The following SLC5A5 variants were observed in gnomAD, a reference collection of about 807,000 sequenced individuals.
SLC5A5 encodes sodium/iodide cotransporter.
Under a neutral mutation model 68.6 loss-of-function variants are expected in SLC5A5, and 56 were observed. The ratio of observed to expected loss-of-function variants is 0.82; its 90% confidence interval spans 0.66 to 1.02. The LOEUF (loss-of-function observed/expected upper bound fraction) is 1.02. SLC5A5 is among the 50% of genes least tolerant of loss of function. SLC5A5 has a pLI of 0.00. For missense variants in SLC5A5, 807 were observed against 859.8 expected (o/e 0.94, Z 0.77); for synonymous variants, 398 against 373.0 (o/e 1.07, Z -0.77).
chr19:17,888,619 TCA>T (rs1491090215), intron 13 of SLC5A5, among the ~76,000 whole-genome samples, 164 bp downstream of exon 13: 1,723 of 85,988 alleles, frequency 0.02, 30 homozygotes, highest in African/African-American at 0.11. Context: ...ATTATTATTA[TCA>T]TCATCATCAT....
chr19:17,883,836 G>T lies in SLC5A5; in HGVS notation c.1330-14G>T, dbSNP rs1257530198. On this transcript the variant is annotated splice_polypyrimidine_tract_variant and intron_variant, in intron 11 of 14. Coordinates refer to ENST00000222248, the MANE Select transcript of SLC5A5 (RefSeq NM_000453.3). The stretch of plus-strand genomic sequence containing the variant: ...CAGGCCCCTCCCCTTCCCTGACGCC[G>T]GCTCTGCCCCCAGGGCGTCCTCGCG... 15 of 1,603,208 alleles carry T rather than the reference G, an allele frequency of 9.4e-6. No homozygotes were observed. The highest frequency in any genetic ancestry group is 1.9e-4 in the Middle Eastern group (1 of 5,132).
intron 2 of SLC5A5, 40 bp downstream of exon 2, chr19:17,874,243 G>T: frequency 6.9e-7 from 1 of 1,455,210 alleles, no homozygotes; most frequent in South Asian, 1.1e-5. Flanking sequence ...AGGGCCCCGA[G>T]AGCGTCAGCC....
At chr19:17,873,756 C>T (rs761025301) in intron 1 of SLC5A5, among the ~76,000 whole-genome samples, 5 of 152,196 alleles carry the variant, frequency 3.3e-5, no homozygotes, top group Non-Finnish European at 7.4e-5. Context: ...ACTCCGTCCC[C>T]CCTCCCCCCC....
chr19:17,883,893 G>A lies in SLC5A5; in HGVS notation c.1373G>A (p.Trp458Ter). 6.4e-7 allele frequency: 1 copy of A among 1,573,374 alleles called. No individual in the cohort carries two copies. Among genetic ancestry groups the A allele is most frequent in the Non-Finnish European group, 8.6e-7 (1 of 1,161,018 alleles). The change falls in exon 12 of 15, where the codon TGG (tryptophan) becomes TAG (stop). Residue 458 changes from tryptophan to a stop codon, truncating the protein, a stop_gained. Transcript: ENST00000222248. LOFTEE classifies it high-confidence loss of function. ...GLGAGLALSL[W>*]VALGATLYPP... ...GGCGCGGGCTTGGCGCTGTCGCTGT[G>A]GGTGGCCTTGGGCGCCACGCTGTAC...
Position 17,894,794 on chromosome 19 carries a change from C to A in SLC5A5, c.*917C>A. On this transcript the variant is annotated 3_prime_UTR_variant, in exon 15 of 15. Transcript: ENST00000222248. ...GCTCTCGAATTGGGTTGTGTCCCCCCAAAATTTATGTCTACCCAGAACCTC... is the reference window on the plus strand; with the variant it reads ...GCTCTCGAATTGGGTTGTGTCCCCCAAAAATTTATGTCTACCCAGAACCTC... 6.6e-6 allele frequency: 1 copy of A among 152,130 alleles called. No homozygotes were observed. Among genetic ancestry groups the A allele is most frequent in the East Asian group, 1.9e-4 (1 of 5,196 alleles). 9.4% of individuals were successfully genotyped at this position (152,130 alleles called of 1,614,324 possible).
chr19:17,881,913 G>T, intron 8 of SLC5A5, 47 bp from the exon 9 acceptor site: 2 of 1,435,694 alleles, frequency 1.4e-6, no homozygotes, highest in East Asian at 2.3e-5. Flanking sequence ...TGGTGTGGAC[G>T]GTCTCTCCAT....
rs1418325735 is a variant in SLC5A5, at chr19:17,883,773, TG to T, written c.1329+11del. ...TGCCGGCCTGCAACACACCGGTGAGTGGGGGCGGGGCAAGGGGCGGGGAGGG... is the reference window on the plus strand; with the variant it reads ...TGCCGGCCTGCAACACACCGGTGAGTGGGGCGGGGCAAGGGGCGGGGAGGG... On this transcript the variant is annotated splice_region_variant and intron_variant, in intron 11 of 14. Transcript: ENST00000222248. The T allele has an allele frequency of 8.1e-6, 3 of 370,246 alleles. No individual in the cohort carries two copies. Among genetic ancestry groups the T allele is most frequent in the African/African-American group, 3.9e-5 (1 of 25,568 alleles). 22.9% of individuals were successfully genotyped at this position (370,246 alleles called of 1,614,324 possible). A position where few individuals can be genotyped will look rare whatever the true frequency, so the allele number is the denominator to read the frequency against.
Position 17,890,996 on chromosome 19 carries a change from G to A in SLC5A5, c.1762G>A (p.Val588Ile), listed in dbSNP as rs2030147213. The A allele has an allele frequency of 6.2e-7, 1 of 1,601,876 alleles. No homozygotes were observed. The highest frequency in any genetic ancestry group is 8.6e-7 in the Non-Finnish European group (1 of 1,168,808). ...EEVAILDDNL[V>I]KGPEELPTGN... ...AGTGGCCATCCTGGATGACAACTTG[G>A]TCAAGGTCAGTCTTAGGCTGGGTTC... is the stretch of plus-strand genomic sequence containing the variant. The change falls in exon 14 of 15, where the codon GTC becomes ATC. Residue 588 changes from valine (V) to isoleucine (I), a missense_variant. Val to Ile is a conservative substitution (Grantham distance 29, BLOSUM62 3). Transcript: ENST00000222248.
At position 17,880,276 on chromosome 19, in the gene SLC5A5, G is replaced by T. The variant is rs189365141; in HGVS notation, c.970-589G>T. The stretch of plus-strand genomic sequence containing the variant: ...GTTGTGCAGGCTGGAGTGCAACGGC[G>T]CGATCTCCGCTCGCTGCAACCTCTA... On this transcript the variant is annotated intron_variant, in intron 7 of 14. Transcript: ENST00000222248. 3.9e-4 allele frequency among the ~76,000 whole-genome samples: 59 copies of T among 150,086 alleles called. No individual in the cohort carries two copies. In the East Asian group the frequency reaches 9.6e-3, roughly 24 times the overall value.
At chr19:17,879,273 A>G (rs1048726848) in intron 7 of SLC5A5, among the ~76,000 whole-genome samples, 2 of 152,208 alleles carry the variant, frequency 1.3e-5, no homozygotes, top group African/African-American at 4.8e-5. Flanking sequence ...AGCCTGGGCA[A>G]CAAGAGAGAA....
In SLC5A5 at chr19:17,888,467, G is replaced by C. The variant is rs377035886; in HGVS notation, c.1651+12G>C. The C allele has an allele frequency of 6.2e-7, 1 of 1,613,482 alleles. No homozygotes were observed. Among genetic ancestry groups the C allele is most frequent in the Non-Finnish European group, 8.5e-7 (1 of 1,179,956 alleles). On this transcript the variant is annotated intron_variant, in intron 13 of 14. Coordinates refer to ENST00000222248, the MANE Select transcript of SLC5A5 (RefSeq NM_000453.3). ...CAGCTGCCTGACAGGTAGGTAAACA[G>C]AGCATGTGGCCTCAGAGGTCATCCC...
intron 5 of SLC5A5, 60 bp downstream of exon 5, chr19:17,876,166 A>C (rs904864682): frequency 2.2e-5 from 35 of 1,571,420 alleles, no homozygotes; most frequent in East Asian, 4.5e-5. Context: ...GCGGTGGCTC[A>C]TGCCTGTAAT....
rs1481003384 is a variant in SLC5A5 at position 17,884,481 on chromosome 19, A to G, written c.1526+435A>G. On this transcript the variant is annotated intron_variant, in intron 12 of 14. Transcript: ENST00000222248. ...GATAAATTAGCCATTTAAAAGTGGC[A>G]TTTAGGCCAGGCAGGCACAGTGGCT... Among the ~76,000 whole-genome samples, 2 of 151,720 alleles carry G rather than the reference A, an allele frequency of 1.3e-5. 1 individual carries two copies. Among genetic ancestry groups the G allele is most frequent in the African/African-American group, 4.9e-5 (2 of 41,088 alleles).
chr19:17,888,200 C>G, intron 12 of SLC5A5, 131 bp from the exon 13 acceptor site: 1 of 1,106,814 alleles, frequency 9.0e-7, no homozygotes, highest in Non-Finnish European at 1.3e-6. Flanking sequence ...CAGATCTGGG[C>G]AGACAGTAAT....
At chr19:17,874,259 T>C (rs992108545) in intron 2 of SLC5A5, 56 bp downstream of exon 2, 5 of 1,284,122 alleles carry the variant, frequency 3.9e-6, no homozygotes, top group Middle Eastern at 2.1e-4. Context: ...CAGCCTTCAC[T>C]AGCCCGGCCC....
At chr19:17,879,478 C>T (rs2094315650) in intron 7 of SLC5A5, among the ~76,000 whole-genome samples, 1 of 152,176 alleles carries the variant, frequency 6.6e-6, no homozygotes, top group Non-Finnish European at 1.5e-5. Context: ...AATCTTTCTT[C>T]TGAGAAAGGC....
intron 7 of SLC5A5, 103 bp from the exon 8 acceptor site, chr19:17,880,762 C>A: frequency 1.2e-6 from 1 of 823,450 alleles, no homozygotes; most frequent in Non-Finnish European, 2.2e-6. Flanking sequence ...CGACTCTGAG[C>A]CCTGTCCGTC....
rs1293710546 is a variant in SLC5A5, at chr19:17,894,604, G to A, written c.*727G>A. 1 of 152,386 alleles carries A rather than the reference G, an allele frequency of 6.6e-6. No homozygotes were observed. The highest frequency in any genetic ancestry group is 1.5e-5 in the Non-Finnish European group (1 of 68,238). 9.4% of individuals were successfully genotyped at this position (152,386 alleles called of 1,614,324 possible). A position where few individuals can be genotyped will look rare whatever the true frequency, so the allele number is the denominator to read the frequency against. On this transcript the variant is annotated 3_prime_UTR_variant, in exon 15 of 15. Transcript: ENST00000222248. Reference sequence around the variant, plus strand: ...CTGCCTTGGCCTCCCAAAGGGCTGGGATTACAGGGGTGAGCCACCGCGCCC... The same window carrying A: ...CTGCCTTGGCCTCCCAAAGGGCTGGAATTACAGGGGTGAGCCACCGCGCCC...
At chr19:17,879,824 G>C (rs1424617749) in intron 7 of SLC5A5, among the ~76,000 whole-genome samples, 4 of 152,140 alleles carry the variant, frequency 2.6e-5, no homozygotes, top group Admixed American at 2.0e-4. Flanking sequence ...GGGGCTCAGG[G>C]ACAATTCTCA....
Sources: gnomAD v4.1 joint callset for allele counts (sites outside exome capture counted in the v4.1 genomes callset) on GRCh38, gnomAD v4.1.1 for gene constraint, MANE v1.5 for transcripts, NCBI Gene and HGNC (gene_info 2026-07-23, HGNC 2026-07-21) for gene names.